The following SLC22A15 variants were observed in gnomAD, a reference collection of about 807,000 sequenced individuals.
SLC22A15 encodes the protein solute carrier family 22 member 15, also known as flipt 1.
SLC22A15 carries 45 observed loss-of-function variants against 62.7 expected under a neutral mutation model. The observed-to-expected ratio is 0.72, with a 90% CI of 0.56 to 0.92. The LOEUF is 0.92. Ranked by LOEUF, SLC22A15 falls within the 40% of genes least tolerant of loss-of-function variation. The pLI is 0.00. For missense variants in SLC22A15, 622 were observed against 665.6 expected, an observed-to-expected ratio of 0.93 and a Z score of 0.72; for synonymous variants, 264 against 267.0, an observed-to-expected ratio of 0.99 and a Z score of 0.11.
intron 3 of SLC22A15, 144 bp downstream of exon 3, chr1:116,019,858 G>T: frequency 1.1e-6 from 1 of 934,456 alleles, no homozygotes. Flanking sequence ...CCTGGCAAGA[G>T]GCCAAACTGC....
chr1:116,001,530 T>G (rs972613596), intron 2 of SLC22A15, among the ~76,000 whole-genome samples: 1 of 152,174 alleles, frequency 6.6e-6, no homozygotes, highest in Non-Finnish European at 1.5e-5. Flanking sequence ...TTTTATTCTT[T>G]TTTCTTTTGA....
rs1377969539 is a variant in SLC22A15 at position 116,065,626 on chromosome 1, G to A, written c.1366-894G>A. Among the ~76,000 whole-genome samples the A allele has an allele frequency of 4.6e-5, 7 of 151,706 alleles. No individual in the cohort carries two copies. The South Asian group carries it at 1.5e-3, about 32-fold the overall frequency. On this transcript the variant is annotated intron_variant, in intron 10 of 11. Coordinates refer to ENST00000369503, the MANE Select transcript of SLC22A15 (RefSeq NM_018420.3). ...CCTCCTCATCCCTGTCTTCTGCTCG[G>A]TTCTCTCCATCTCTCCCTTCTCCTC...
At chr1:116,019,432 G>A (rs1316037624) in intron 2 of SLC22A15, 150 bp from the exon 3 acceptor site, 6 of 710,262 alleles carry the variant, frequency 8.4e-6, no homozygotes, top group East Asian at 5.6e-5. Flanking sequence ...CTGATTGGAC[G>A]TTGTCTGAGA....
chr1:116,034,572 AC>A (rs1657562434), intron 6 of SLC22A15, among the ~76,000 whole-genome samples: 2 of 152,084 alleles, frequency 1.3e-5, no homozygotes, highest in Admixed American at 1.3e-4. Context: ...CTTTGCTGTG[AC>A]CTTTAATTTT....
chr1:115,997,199 G>A (rs1367238926), intron 2 of SLC22A15, among the ~76,000 whole-genome samples: 9 of 152,056 alleles, frequency 5.9e-5, no homozygotes, highest in African/African-American at 1.9e-4. Flanking sequence ...TAGCTCTGTA[G>A]CATAATTTGA....
At chr1:116,055,522 A>T (rs1359891973) in intron 8 of SLC22A15, among the ~76,000 whole-genome samples, 4 of 149,342 alleles carry the variant, frequency 2.7e-5, no homozygotes, top group Non-Finnish European at 3.0e-5. Flanking sequence ...TCCAATCAAT[A>T]GAAAAAGAGG....
At chr1:115,988,595 G>A (rs571430425) in intron 1 of SLC22A15, among the ~76,000 whole-genome samples, 7 of 152,150 alleles carry the variant, frequency 4.6e-5, no homozygotes, top group Admixed American at 1.3e-4. Context: ...ATCTCAGCTC[G>A]TTGCAACCTC....
At position 116,052,009 on chromosome 1, in the gene SLC22A15, G is replaced by A. The variant is rs936829208; in HGVS notation, c.1172-10753G>A. Reference sequence around the variant, plus strand: ...ATGGGTGATTTCTGCATTTCCATCTGAGGTACTGGGTTTATCTCACTAGGG... The same window carrying A: ...ATGGGTGATTTCTGCATTTCCATCTAAGGTACTGGGTTTATCTCACTAGGG... On this transcript the variant is annotated intron_variant, in intron 8 of 11. Transcript: ENST00000369503. Among the ~76,000 whole-genome samples, 13 of 152,334 alleles carry A rather than the reference G, an allele frequency of 8.5e-5. 1 individual carries two copies. Among genetic ancestry groups the A allele is most frequent in the Admixed American group, 7.8e-4 (12 of 15,300 alleles).
In SLC22A15 at chr1:115,992,073, G is replaced by C. The variant is rs752200610; in HGVS notation, c.130G>C (p.Ala44Pro). The C allele has an allele frequency of 6.2e-7, 1 of 1,613,876 alleles. No homozygotes were observed. The highest frequency in any genetic ancestry group is 8.5e-7 in the Non-Finnish European group (1 of 1,179,886). The change falls in exon 2 of 12, where the codon GCC becomes CCC. Residue 44 changes from alanine to proline, a missense_variant. Coordinates refer to ENST00000369503, the MANE Select transcript of SLC22A15 (RefSeq NM_018420.3). Reference protein sequence around the residue: ...TEAILIALVGATPSYHWDLAE... With the variant: ...TEAILIALVGPTPSYHWDLAE... ...GGCCATCCTCATTGCACTGGTTGGG[G>C]CCACGCCATCCTACCACTGGGACCT...
intron 2 of SLC22A15, among the ~76,000 whole-genome samples, chr1:116,005,079 T>A (rs1057138746): frequency 6.6e-6 from 1 of 152,230 alleles, no homozygotes; most frequent in Non-Finnish European, 1.5e-5. Flanking sequence ...TACTTCTCAG[T>A]CATTATAGAG....
At chr1:116,058,759 A>G (rs1658298200) in intron 8 of SLC22A15, among the ~76,000 whole-genome samples, 1 of 152,230 alleles carries the variant, frequency 6.6e-6, no homozygotes, top group African/African-American at 2.4e-5. Context: ...ACCATGGTAT[A>G]TATACAATGG....
intron 1 of SLC22A15, among the ~76,000 whole-genome samples, chr1:115,979,418 G>A (rs1253221886): frequency 6.6e-6 from 1 of 152,154 alleles, no homozygotes; most frequent in Non-Finnish European, 1.5e-5. Context: ...CAAATGCCCT[G>A]AAAATGGTGA....
At chr1:116,034,365 C>A (rs1286523991) in intron 6 of SLC22A15, among the ~76,000 whole-genome samples, 1 of 152,058 alleles carries the variant, frequency 6.6e-6, no homozygotes, top group African/African-American at 2.4e-5. Flanking sequence ...TTTGAGGAAG[C>A]CCTGATTTGG....
intron 1 of SLC22A15, 72 bp downstream of exon 1, chr1:115,976,786 C>T (rs764490450): frequency 8.9e-6 from 11 of 1,232,238 alleles, no homozygotes; most frequent in Non-Finnish European, 1.3e-5. Flanking sequence ...GCGTCCGCTC[C>T]CAGACCGCCG....
At chr1:116,021,808 G>A (rs1656852386) in intron 4 of SLC22A15, among the ~76,000 whole-genome samples, 1 of 152,172 alleles carries the variant, frequency 6.6e-6, no homozygotes, top group Non-Finnish European at 1.5e-5. Context: ...TGAGAGATGA[G>A]GTGACATGCC....
At chr1:116,015,447 A>T (rs1026607396) in intron 2 of SLC22A15, 1 of 152,204 alleles carries the variant, frequency 6.6e-6, no homozygotes, top group Non-Finnish European at 1.5e-5. Context: ...CCCTTGGGCT[A>T]CTTCTTCCTA....
chr1:115,989,729 C>A (rs1313072457), intron 1 of SLC22A15, among the ~76,000 whole-genome samples: 2 of 149,740 alleles, frequency 1.3e-5, no homozygotes, highest in East Asian at 3.9e-4. Context: ...TGCAGTGAGC[C>A]AAGATCGCAC....
chr1:115,994,407 G>A (rs1655316973), intron 2 of SLC22A15, among the ~76,000 whole-genome samples: 1 of 152,198 alleles, frequency 6.6e-6, no homozygotes, highest in Non-Finnish European at 1.5e-5. Flanking sequence ...GCTGAGATTT[G>A]AAGCTAAATT....
chr1:116,027,675 G>A (rs1484899020), intron 5 of SLC22A15, among the ~76,000 whole-genome samples: 1 of 152,070 alleles, frequency 6.6e-6, no homozygotes, highest in African/African-American at 2.4e-5. Flanking sequence ...GCCCAGGCTG[G>A]AGTGCAATGG....
Sources: allele counts gnomAD v4.1 joint callset (sites outside exome capture counted in the v4.1 genomes callset), GRCh38; gene constraint gnomAD v4.1.1; transcripts MANE v1.5; gene names NCBI Gene and HGNC (gene_info 2026-07-23, HGNC 2026-07-21).